PCDH9: variants seen among roughly 807,000 people sequenced by gnomAD.
PCDH9 encodes the protein protocadherin-9.
A neutral mutation model predicts 70.6 loss-of-function variants in PCDH9; 24 were observed. The ratio of observed to expected loss-of-function variants is 0.34; its 90% CI spans 0.25 to 0.48. The LOEUF (loss-of-function observed/expected upper bound fraction) is 0.48. Among genes scored for constraint, PCDH9 ranks in the 20% least tolerant of loss-of-function variants. PCDH9 has a pLI of 0.99. For synonymous variants in PCDH9, 562 were observed against 558.5 expected, an observed-to-expected ratio of 1.01 and a Z score of -0.09; for missense variants, 1,281 against 1,503.6, an observed-to-expected ratio of 0.85 and a Z score of 2.45.
At chr13:66,930,957 C>T (rs536524205) in intron 2 of PCDH9, among the ~76,000 whole-genome samples, 1 of 152,248 alleles carries the variant, frequency 6.6e-6, no homozygotes, top group East Asian at 1.9e-4. Flanking sequence ...TTAAGGTTCT[C>T]ATAAAAATTG....
intron 2 of PCDH9, among the ~76,000 whole-genome samples, chr13:67,014,440 C>T (rs960012013): frequency 6.6e-6 from 1 of 152,054 alleles, no homozygotes; most frequent in Non-Finnish European, 1.5e-5. Flanking sequence ...TTCAGTCTTT[C>T]CCCAGAGTGT....
chr13:66,528,945 C>T (rs1960325188), intron 4 of PCDH9, among the ~76,000 whole-genome samples: 1 of 152,056 alleles, frequency 6.6e-6, no homozygotes, highest in African/African-American at 2.4e-5. Context: ...AGAAAATTCA[C>T]GTGGGAAACA....
At chr13:66,548,883 G>A (rs1365822327) in intron 4 of PCDH9, among the ~76,000 whole-genome samples, 6 of 151,916 alleles carry the variant, frequency 3.9e-5, no homozygotes, top group African/African-American at 1.5e-4. Flanking sequence ...AAATGCCATC[G>A]ATAATGTTTT....
chr13:66,709,355 T>C (rs558849680), intron 3 of PCDH9, among the ~76,000 whole-genome samples: 1 of 152,320 alleles, frequency 6.6e-6, no homozygotes, highest in South Asian at 2.1e-4. Context: ...TACAATTGTA[T>C]CATAGAAAAT....
chr13:67,017,073 G>T (rs1480191038), intron 2 of PCDH9, among the ~76,000 whole-genome samples: 1 of 152,138 alleles, frequency 6.6e-6, no homozygotes, highest in Non-Finnish European at 1.5e-5. Flanking sequence ...TAGCCATAGT[G>T]TGTGGAAAAG....
intron 2 of PCDH9, among the ~76,000 whole-genome samples, chr13:67,184,457 G>C (rs1265303434): frequency 6.6e-6 from 1 of 152,114 alleles, no homozygotes; most frequent in Non-Finnish European, 1.5e-5. Flanking sequence ...GCCCAGGCAT[G>C]GTGACTCATG....
At chr13:66,440,523 A>G (rs929020281) in intron 4 of PCDH9, among the ~76,000 whole-genome samples, 24 of 152,118 alleles carry the variant, frequency 1.6e-4, no homozygotes. Flanking sequence ...TTAATTTTAT[A>G]ATAAATATAA....
At chr13:67,149,136 C>T (rs931435486) in intron 2 of PCDH9, among the ~76,000 whole-genome samples, 2 of 152,114 alleles carry the variant, frequency 1.3e-5, no homozygotes, top group Admixed American at 6.5e-5. Flanking sequence ...TATTGTAGGT[C>T]TCTTGAAGAA....
At chr13:66,930,446 G>T (rs981246640) in intron 2 of PCDH9, among the ~76,000 whole-genome samples, 10 of 152,032 alleles carry the variant, frequency 6.6e-5, no homozygotes, top group African/African-American at 2.4e-4. Context: ...TTCCATTTCA[G>T]AGCTTTGTTT....
At chr13:67,076,708 GTAA>G (rs2085885335) in intron 2 of PCDH9, among the ~76,000 whole-genome samples, 1 of 152,102 alleles carries the variant, frequency 6.6e-6, no homozygotes, top group Non-Finnish European at 1.5e-5. Flanking sequence ...ATTAATAGAA[GTAA>G]TAATAAAATT....
chr13:66,721,017 A>G (rs2078935091), intron 3 of PCDH9, among the ~76,000 whole-genome samples: 1 of 152,198 alleles, frequency 6.6e-6, no homozygotes, highest in African/African-American at 2.4e-5. Flanking sequence ...ACTGTTATAC[A>G]CGTAAAAAAT....
chr13:66,316,952 A>G (rs1955664157), intron 4 of PCDH9, among the ~76,000 whole-genome samples: 2 of 151,996 alleles, frequency 1.3e-5, no homozygotes, highest in African/African-American at 2.4e-5. Context: ...TGACCTCCTG[A>G]TCTCAACTGA....
chr13:66,706,028 G>C (rs1193357546), intron 3 of PCDH9, among the ~76,000 whole-genome samples: 1 of 152,164 alleles, frequency 6.6e-6, no homozygotes, highest in Non-Finnish European at 1.5e-5. Flanking sequence ...CGGGAGTATA[G>C]AAAGCACACT....
chr13:66,866,418 C>G (rs969045778), intron 3 of PCDH9, among the ~76,000 whole-genome samples: 1 of 151,696 alleles, frequency 6.6e-6, no homozygotes, highest in Non-Finnish European at 1.5e-5. Flanking sequence ...GGAGGCAGAG[C>G]TTGCAGTGAG....
intron 4 of PCDH9, among the ~76,000 whole-genome samples, chr13:66,560,303 T>G (rs1961952356): frequency 6.6e-6 from 1 of 151,994 alleles, no homozygotes; most frequent in Non-Finnish European, 1.5e-5. Flanking sequence ...TCAGACTGCA[T>G]GGGAAGGGGG....
At chr13:66,690,923 G>A (rs986626391) in intron 3 of PCDH9, among the ~76,000 whole-genome samples, 3 of 152,180 alleles carry the variant, frequency 2.0e-5, no homozygotes, top group Admixed American at 1.3e-4. Flanking sequence ...TGTCACCAGC[G>A]TAAGCCTGAG....
intron 2 of PCDH9, among the ~76,000 whole-genome samples, chr13:67,010,188 T>C (rs1037653917): frequency 2.0e-5 from 3 of 152,076 alleles, no homozygotes; most frequent in African/African-American, 7.2e-5. Flanking sequence ...ACTACTATTA[T>C]TGTTGGAGTG....
chr13:66,697,611 A>G (rs910484520), intron 3 of PCDH9, among the ~76,000 whole-genome samples: 1 of 152,176 alleles, frequency 6.6e-6, no homozygotes, highest in Non-Finnish European at 1.5e-5. Flanking sequence ...ACAGTGCTGT[A>G]CTATATTATG....
intron 3 of PCDH9, among the ~76,000 whole-genome samples, chr13:66,706,060 A>G (rs905257411): frequency 6.6e-6 from 1 of 152,182 alleles, no homozygotes; most frequent in Non-Finnish European, 1.5e-5. Context: ...GACAGCTAAC[A>G]CTATGTAAAT....
Sources: allele counts gnomAD v4.1 joint callset (sites outside exome capture counted in the v4.1 genomes callset), GRCh38; gene constraint gnomAD v4.1.1; transcripts MANE v1.5; gene names NCBI Gene and HGNC (gene_info 2026-07-23, HGNC 2026-07-21).